The following EFHC2 variants were observed in gnomAD, a reference collection of about 807,000 sequenced individuals.
The protein encoded by EFHC2 is EF-hand domain containing 2, also known as EF-hand domain-containing family member C2.
Under a neutral mutation model 52.7 loss-of-function variants are expected in EFHC2, and 18 were observed. The observed-to-expected ratio is 0.34, with a 90% confidence interval of 0.24 to 0.51. The LOEUF (loss-of-function observed/expected upper bound fraction) is 0.51. Among genes scored for constraint, EFHC2 ranks in the 20% least tolerant of loss-of-function variants. EFHC2 has a pLI of 0.97. For missense variants in EFHC2, 513 were observed against 562.5 expected, an observed-to-expected ratio of 0.91 and a Z score of 0.89; for synonymous variants, 203 against 204.1, an observed-to-expected ratio of 0.99 and a Z score of 0.04.
At chrX:44,157,855 G>A (rs894742871) in intron 14 of EFHC2, among the ~76,000 whole-genome samples, 3 of 109,003 alleles carry the variant, frequency 2.8e-5, no homozygotes, top group African/African-American at 6.7e-5. Context: ...ATAACCTCAC[G>A]GGTATAGGGG....
rs866808533 is a variant in EFHC2, at chrX:44,151,472, C to T, written c.2149-2576G>A. ...CTCTAAGGAAGAATTTATTCCATGC[C>T]TCTCTCCTGGCTTCTGGTGGTGGCT... On this transcript the variant is annotated intron_variant, in intron 14 of 14. Coordinates refer to ENST00000420999, the MANE Select transcript of EFHC2 (RefSeq NM_025184.4). Among the ~76,000 whole-genome samples the T allele has an allele frequency of 2.7e-5, 3 of 111,355 alleles. No individual in the cohort carries two copies. In the Admixed American group the frequency reaches 2.9e-4, roughly 11 times the overall value.
chrX:44,207,362 T>A lies in EFHC2; in HGVS notation c.1751+22287A>T, dbSNP rs767208437. 4.0e-4 allele frequency among the ~76,000 whole-genome samples: 45 copies of A among 111,178 alleles called. 1 individual carries two copies. In the East Asian group the frequency reaches 6.0e-3, roughly 15 times the overall value. ...CTCCGTCTCCACAAAAATAGAAAAG[T>A]TAGCTGGGCATGGTGGCATGTGCCT... On this transcript the variant is annotated intron_variant, in intron 11 of 14. Coordinates refer to ENST00000420999, the MANE Select transcript of EFHC2 (RefSeq NM_025184.4).
intron 2 of EFHC2, among the ~76,000 whole-genome samples, chrX:44,273,812 C>G (rs1318217711): frequency 2.7e-5 from 3 of 111,705 alleles, no homozygotes; most frequent in Non-Finnish European, 1.9e-5. Context: ...CTCTTTGTCT[C>G]TCACTTTTGA....
At chrX:44,197,949 A>G (rs1162146682) in intron 11 of EFHC2, among the ~76,000 whole-genome samples, 1 of 112,360 alleles carries the variant, frequency 8.9e-6, no homozygotes, top group Non-Finnish European at 1.9e-5. Context: ...AATCTAATTA[A>G]AGAAGAAATC....
intron 11 of EFHC2, among the ~76,000 whole-genome samples, chrX:44,195,403 A>ATG (rs750049145): frequency 1.4e-4 from 15 of 109,050 alleles, no homozygotes; most frequent in East Asian, 2.9e-4. Flanking sequence ...AGCTAAATAA[A>ATG]TGTGTGTGTG....
In EFHC2 at chrX:44,246,934, C is replaced by T. The variant is rs190897790; in HGVS notation, c.1111+1338G>A. On this transcript the variant is annotated intron_variant, in intron 7 of 14. Coordinates refer to ENST00000420999, the MANE Select transcript of EFHC2 (RefSeq NM_025184.4). ...TATACATTTAAATTTTCATTCTACA[C>T]TAAAGACGGATTCCAAACAGGCATC... Among the ~76,000 whole-genome samples, 44 of 111,859 alleles carry T rather than the reference C, an allele frequency of 3.9e-4. No homozygotes were observed. In the South Asian group the frequency reaches 0.015, roughly 38 times the overall value.
intron 2 of EFHC2, among the ~76,000 whole-genome samples, chrX:44,287,026 TAAAAAA>T (rs57970615): frequency 5.3e-4 from 8 of 15,208 alleles, no homozygotes; most frequent in African/African-American, 1.3e-3. Context: ...CTCCCATCTC[TAAAAAA>T]AAAAAAAAAA....
chrX:44,160,106 T>A (rs1398253105), intron 14 of EFHC2, among the ~76,000 whole-genome samples: 1 of 112,041 alleles, frequency 8.9e-6, no homozygotes, highest in Non-Finnish European at 1.9e-5. Flanking sequence ...AGACCTTCTG[T>A]TCCACATTGC....
chrX:44,279,889 A>G (rs1040311183), intron 2 of EFHC2, among the ~76,000 whole-genome samples: 4 of 110,727 alleles, frequency 3.6e-5, no homozygotes, highest in Non-Finnish European at 5.7e-5. Context: ...GTACCATGAA[A>G]AAAAAGTAAC....
chrX:44,271,570 G>A (rs910791085), intron 3 of EFHC2, among the ~76,000 whole-genome samples: 2 of 111,083 alleles, frequency 1.8e-5, no homozygotes, highest in African/African-American at 6.6e-5. Flanking sequence ...ATTTACACCA[G>A]CAACCAAACA....
At chrX:44,336,393 AAAAG>A (rs1464046722) in intron 1 of EFHC2, among the ~76,000 whole-genome samples, 2 of 110,546 alleles carry the variant, frequency 1.8e-5, no homozygotes, top group African/African-American at 6.6e-5. Context: ...TCAAAAAAAA[AAAAG>A]AGAGAGAGAG....
chrX:44,265,910 A>C (rs1243187618), intron 3 of EFHC2, among the ~76,000 whole-genome samples: 1 of 112,112 alleles, frequency 8.9e-6, no homozygotes, highest in African/African-American at 3.2e-5. Flanking sequence ...TTGCAGCAAA[A>C]GAATAAGAAG....
At position 44,261,248 on chromosome X, in the gene EFHC2, G is replaced by C. The variant is rs1323768650; in HGVS notation, c.433C>G (p.Gln145Glu). 1 of 1,200,409 alleles carries C rather than the reference G, an allele frequency of 8.3e-7. No individual in the cohort carries two copies. Among genetic ancestry groups the C allele is most frequent in the Non-Finnish European group, 1.1e-6 (1 of 889,413 alleles). The change falls in exon 4 of 15, where the codon CAG (glutamine) becomes GAG (glutamate). Residue 145 changes from glutamine to glutamate, a missense_variant. Physicochemically the swap from Gln to Glu is conservative, Grantham distance 29 (BLOSUM62 2). Coordinates refer to ENST00000420999, the MANE Select transcript of EFHC2 (RefSeq NM_025184.4). ...TTAAAATGATACACAGTATAAAACT[G>C]ATCCTCATCAGGAGGCGGAAGAGTA... ...RITLPPPDED[Q>E]FYTVYHFNVG... is the part of the protein sequence containing the mutation.
chrX:44,166,587 T>C (rs2036698299), intron 13 of EFHC2, among the ~76,000 whole-genome samples: 1 of 111,708 alleles, frequency 9.0e-6, no homozygotes, highest in Non-Finnish European at 1.9e-5. Context: ...GCCAAAAAAT[T>C]GGGAGACTTG....
intron 11 of EFHC2, chrX:44,225,904 A>G (rs2037229135): frequency 9.0e-6 from 1 of 111,629 alleles, no homozygotes; most frequent in African/African-American, 3.3e-5. Flanking sequence ...TTTAGACTGA[A>G]CGTTCCTTGA....
intron 2 of EFHC2, among the ~76,000 whole-genome samples, chrX:44,281,740 T>G (rs1056832327): frequency 8.9e-6 from 1 of 112,265 alleles, no homozygotes; most frequent in Non-Finnish European, 1.9e-5. Flanking sequence ...AACAAAACAT[T>G]TTAGAAAATA....
chrX:44,269,928 ACT>A (rs1381839084), intron 3 of EFHC2, among the ~76,000 whole-genome samples: 1 of 110,932 alleles, frequency 9.0e-6, no homozygotes, highest in Non-Finnish European at 1.9e-5. Flanking sequence ...CCCCCTCCTC[ACT>A]CTCTGTATTT....
At chrX:44,324,257 G>A (rs185779934) in intron 1 of EFHC2, among the ~76,000 whole-genome samples, 27 of 109,725 alleles carry the variant, frequency 2.5e-4, no homozygotes, top group East Asian at 2.0e-3. Context: ...CAGTGAAAGA[G>A]GGCAGCTTCA....
chrX:44,319,604 C>T (rs2038005135), intron 1 of EFHC2, among the ~76,000 whole-genome samples: 1 of 112,592 alleles, frequency 8.9e-6, no homozygotes, highest in African/African-American at 3.2e-5. Context: ...GAAAGCAGGC[C>T]TCAGGCTCCT....
Sources: allele counts gnomAD v4.1 joint callset (sites outside exome capture counted in the v4.1 genomes callset), GRCh38; gene constraint gnomAD v4.1.1; transcripts MANE v1.5; gene names NCBI Gene and HGNC (gene_info 2026-07-23, HGNC 2026-07-21).